The following RELL1 variants were observed in gnomAD, a reference collection of about 807,000 sequenced individuals.
RELL1 encodes RELT-like protein 1.
Under a neutral mutation model 23.0 loss-of-function variants are expected in RELL1, and 10 were observed. The observed-to-expected ratio is 0.43, with a 90% CI of 0.27 to 0.74. RELL1 has a LOEUF of 0.74. Among genes scored for constraint, RELL1 ranks in the 30% least tolerant of loss-of-function variants. The pLI, the probability that RELL1 is intolerant of heterozygous loss-of-function variation, is 0.19. For synonymous variants in RELL1, 146 were observed against 146.8 expected (o/e 0.99, Z 0.04); for missense variants, 315 against 364.4 (o/e 0.86, Z 1.10).
chr4:37,665,476 C>A, intron 1 of RELL1: 1 of 358,374 alleles, frequency 2.8e-6, no homozygotes, highest in South Asian at 2.1e-5. Flanking sequence ...TCCAATTCAT[C>A]CCCAACTGCC....
At chr4:37,643,933 G>C (rs1720608382) in intron 3 of RELL1, among the ~76,000 whole-genome samples, 8 of 152,196 alleles carry the variant, frequency 5.3e-5, no homozygotes. Flanking sequence ...CAAGGGCTGC[G>C]CAAAGGATTG....
At chr4:37,598,078 A>AAT (rs138367525) in intron 6 of RELL1, among the ~76,000 whole-genome samples, 4,190 of 126,724 alleles carry the variant, frequency 0.033, 222 homozygotes, top group East Asian at 0.14. Context: ...TATATATCAT[A>AAT]ATATATATAT....
chr4:37,619,067 T>C (rs1719678615), intron 6 of RELL1, among the ~76,000 whole-genome samples: 1 of 151,860 alleles, frequency 6.6e-6, no homozygotes, highest in African/African-American at 2.4e-5. Context: ...TTAATAGAGA[T>C]GGGGTTTCTC....
Position 37,612,930 on chromosome 4 carries a change from ACACT to A in RELL1, c.*412_*415del, listed in dbSNP as rs759715365. 2 of 152,220 alleles carry A rather than the reference ACACT, an allele frequency of 1.3e-5. No homozygotes were observed. Among genetic ancestry groups the A allele is most frequent in the Non-Finnish European group, 2.9e-5 (2 of 68,078 alleles). The allele number at this position is 152,220 out of a possible 1,614,324, so 9.4% of individuals were successfully genotyped here. A position where few individuals can be genotyped will look rare whatever the true frequency, so the allele number is the denominator to read the frequency against. On this transcript the variant is annotated 3_prime_UTR_variant, in exon 7 of 7. Transcript: ENST00000454158. The stretch of plus-strand genomic sequence containing the variant: ...ATGCAGGAACTGGAAAAAGAAACAC[ACACT>A]CACGTGCACACATGCATACACATAT...
intron 6 of RELL1, among the ~76,000 whole-genome samples, chr4:37,598,877 G>T (rs1317584082): frequency 6.6e-6 from 1 of 152,106 alleles, no homozygotes; most frequent in African/African-American, 2.4e-5. Context: ...TAGAGACAAG[G>T]TTTCACCGTG....
chr4:37,665,112 G>T (rs1283530800), intron 1 of RELL1: 6 of 384,476 alleles, frequency 1.6e-5, no homozygotes, highest in Non-Finnish European at 3.1e-5. Flanking sequence ...AGGGCTCCTG[G>T]GTAATCAATC....
chr4:37,670,242 GA>G (rs1721788419), intron 1 of RELL1, among the ~76,000 whole-genome samples: 1 of 151,306 alleles, frequency 6.6e-6, no homozygotes, highest in Non-Finnish European at 1.5e-5. Flanking sequence ...AACAGTCAAT[GA>G]GGAGCCATCA....
At chr4:37,629,563 C>G (rs1720055192) in intron 6 of RELL1, among the ~76,000 whole-genome samples, 1 of 152,170 alleles carries the variant, frequency 6.6e-6, no homozygotes, top group African/African-American at 2.4e-5. Context: ...TCACCAGTAA[C>G]TGGCTGAGAA....
chr4:37,605,328 T>C (rs1719161744), intron 6 of RELL1, among the ~76,000 whole-genome samples: 2 of 152,216 alleles, frequency 1.3e-5, no homozygotes, highest in African/African-American at 2.4e-5. Context: ...CTAGTCCTCT[T>C]TATTTCTAAA....
At chr4:37,600,227 G>T (rs181244064) in intron 6 of RELL1, among the ~76,000 whole-genome samples, 3 of 144,060 alleles carry the variant, frequency 2.1e-5, no homozygotes, top group Admixed American at 1.5e-4. Flanking sequence ...CCAAGATTGC[G>T]CCACTGCACT....
intron 5 of RELL1, among the ~76,000 whole-genome samples, chr4:37,632,638 G>A (rs1442184766): frequency 2.0e-5 from 3 of 152,030 alleles, no homozygotes; most frequent in Admixed American, 6.5e-5. Context: ...TCACACATAT[G>A]CAGAAAATCT....
At chr4:37,623,909 G>GA (rs1170862565) in intron 6 of RELL1, among the ~76,000 whole-genome samples, 1 of 151,926 alleles carries the variant, frequency 6.6e-6, no homozygotes, top group East Asian at 1.9e-4. Flanking sequence ...ATTTTTTCCT[G>GA]AAAAAATTAC....
chr4:37,670,056 TAAA>T (rs537851204), intron 1 of RELL1, among the ~76,000 whole-genome samples: 1 of 98,702 alleles, frequency 1.0e-5, no homozygotes, highest in African/African-American at 3.5e-5. Context: ...TAAATAAATA[TAAA>T]AAAAAAAAAA....
intron 6 of RELL1, chr4:37,622,873 C>T (rs1469578550): frequency 1.3e-5 from 6 of 447,588 alleles, no homozygotes; most frequent in Admixed American, 4.8e-5. Context: ...GGCATGATCT[C>T]GGCTCACGGC....
At chr4:37,677,610 CA>C (rs1722061471) in intron 1 of RELL1, among the ~76,000 whole-genome samples, 1 of 152,220 alleles carries the variant, frequency 6.6e-6, no homozygotes, top group Non-Finnish European at 1.5e-5. Context: ...GTGAATCTTC[CA>C]AAGTTCTTCC....
chr4:37,631,549 T>A (rs1431979825), intron 5 of RELL1, 26 bp from the exon 6 acceptor site: 1 of 1,608,996 alleles, frequency 6.2e-7, no homozygotes, highest in Non-Finnish European at 8.5e-7. Context: ...GGAGAGGTGA[T>A]GGGGTTTGCT....
At chr4:37,619,429 C>T (rs888002820) in intron 6 of RELL1, among the ~76,000 whole-genome samples, 1 of 152,100 alleles carries the variant, frequency 6.6e-6, no homozygotes, top group African/African-American at 2.4e-5. Flanking sequence ...GATCCACCTG[C>T]GTCAGCCTCC....
chr4:37,625,981 A>G (rs1046735870), intron 6 of RELL1, among the ~76,000 whole-genome samples: 2 of 152,306 alleles, frequency 1.3e-5, no homozygotes, highest in East Asian at 3.9e-4. Context: ...GCCAACAAAT[A>G]TATGAAAAAA....
intron 4 of RELL1, 150 bp from the exon 5 acceptor site, chr4:37,635,273 C>G: frequency 1.6e-6 from 1 of 637,474 alleles, no homozygotes; most frequent in Admixed American, 2.8e-5. Flanking sequence ...GAACAGACCT[C>G]AGACAGCAGG....
Sources: gnomAD v4.1 joint callset for allele counts (sites outside exome capture counted in the v4.1 genomes callset) on GRCh38, gnomAD v4.1.1 for gene constraint, MANE v1.5 for transcripts, NCBI Gene and HGNC (gene_info 2026-07-23, HGNC 2026-07-21) for gene names.